Variants in NDUFS4 observed in about 807,000 individuals in gnomAD.
NDUFS4 encodes NADH:ubiquinone oxidoreductase subunit S4, also known as NADH dehydrogenase [ubiquinone] iron-sulfur protein 4, mitochondrial.
In NDUFS4, 28 loss-of-function variants were observed where a neutral mutation model predicts 24.3. The ratio of observed to expected loss-of-function variants is 1.15; its 90% CI spans 0.85 to 1.58. The LOEUF (loss-of-function observed/expected upper bound fraction) is 1.58, where lower values mean the gene tolerates loss of function less well. Among genes scored for constraint, NDUFS4 ranks in the 40% most tolerant of loss-of-function variants. The probability of loss-of-function intolerance (pLI) is 0.00; values close to 1 mark genes in which losing one functional copy is unlikely to be tolerated. For missense variants in NDUFS4, 223 were observed against 207.9 expected (o/e 1.07, Z -0.45); for synonymous variants, 93 against 69.7 (o/e 1.34, Z -1.67).
intron 2 of NDUFS4, among the ~76,000 whole-genome samples, chr5:53,611,406 T>C (rs532009794): frequency 2.7e-4 from 41 of 152,046 alleles, no homozygotes; most frequent in Non-Finnish European, 5.0e-4. Flanking sequence ...CCTGGATTAT[T>C]GTTAATAAAG....
At chr5:53,662,846 T>G (rs1261936076) in intron 4 of NDUFS4, among the ~76,000 whole-genome samples, 1 of 152,182 alleles carries the variant, frequency 6.6e-6, no homozygotes, top group African/African-American at 2.4e-5. Flanking sequence ...TCTTAGTTAT[T>G]TCTTGCCTTC....
intron 2 of NDUFS4, among the ~76,000 whole-genome samples, chr5:53,618,240 A>G (rs544473707): frequency 6.6e-6 from 1 of 152,228 alleles, no homozygotes; most frequent in African/African-American, 2.4e-5. Flanking sequence ...ATGCCACTGC[A>G]CTCTAGCCTG....
chr5:53,647,075 A>G lies in NDUFS4; in HGVS notation c.350+670A>G, dbSNP rs1266127762. Among the ~76,000 whole-genome samples, 4 of 151,304 alleles carry G rather than the reference A, an allele frequency of 2.6e-5. No individual in the cohort carries two copies. The East Asian group carries it at 5.8e-4, about 22-fold the overall frequency. On this transcript the variant is annotated intron_variant, in intron 3 of 4. Coordinates refer to ENST00000296684, the MANE Select transcript of NDUFS4 (RefSeq NM_002495.4). ...ATTACAATAAACTTCTTTGTAATAT[A>G]TATTATATATATATCTTTTTTCTTT...
intron 2 of NDUFS4, 135 bp downstream of exon 2, chr5:53,603,665 A>G (rs934932956): frequency 4.4e-6 from 3 of 682,452 alleles, no homozygotes; most frequent in Non-Finnish European, 7.8e-6. Flanking sequence ...CTAAATTTTA[A>G]GAAGAAATAT....
chr5:53,632,756 A>C (rs1377998502), intron 2 of NDUFS4, among the ~76,000 whole-genome samples: 2 of 152,206 alleles, frequency 1.3e-5, no homozygotes, highest in Non-Finnish European at 2.9e-5. Context: ...AATACCTGAA[A>C]ACAGTTGCTT....
At chr5:53,666,329 G>A (rs1370221708) in intron 4 of NDUFS4, among the ~76,000 whole-genome samples, 2 of 152,194 alleles carry the variant, frequency 1.3e-5, no homozygotes, top group Non-Finnish European at 2.9e-5. Context: ...CATGACTACA[G>A]TTGCCATGTG....
intron 2 of NDUFS4, among the ~76,000 whole-genome samples, chr5:53,628,367 T>G (rs1425866886): frequency 3.3e-5 from 5 of 152,150 alleles, no homozygotes; most frequent in African/African-American, 1.2e-4. Flanking sequence ...CTCTGCCAGT[T>G]TTTGGTATCA....
rs141885291 is a variant in NDUFS4, at chr5:53,593,403, G to GTCTCTCTC, written c.99-10034_99-10027dup. Among the ~76,000 whole-genome samples, 3 of 145,622 alleles carry GTCTCTCTC rather than the reference G, an allele frequency of 2.1e-5. No individual in the cohort carries two copies. The Admixed American group carries it at 2.1e-4, about 10-fold the overall frequency. Reference sequence around the variant, plus strand: ...GTTTCATTTTATATATTAGGGCTTTGTCTCTCTCTCTCTCTCTCTCTCATC... The same window carrying GTCTCTCTC: ...GTTTCATTTTATATATTAGGGCTTTGTCTCTCTCTCTCTCTCTCTCTCTCTCTCTCATC... On this transcript the variant is annotated intron_variant, in intron 1 of 4. Coordinates refer to ENST00000296684, the MANE Select transcript of NDUFS4 (RefSeq NM_002495.4).
intron 1 of NDUFS4, among the ~76,000 whole-genome samples, chr5:53,594,558 A>G (rs533516966): frequency 6.0e-5 from 9 of 151,256 alleles, no homozygotes; most frequent in South Asian, 2.1e-4. Flanking sequence ...ATTAATGTCT[A>G]TTGTGCTCAT....
chr5:53,654,141 A>G (rs1178969599), intron 3 of NDUFS4, among the ~76,000 whole-genome samples: 4 of 152,110 alleles, frequency 2.6e-5, no homozygotes, highest in Non-Finnish European at 5.9e-5. Context: ...CTGATATAAT[A>G]AAATGGACAA....
chr5:53,670,666 C>T (rs1230008690), intron 4 of NDUFS4, among the ~76,000 whole-genome samples: 2 of 150,030 alleles, frequency 1.3e-5, no homozygotes, highest in African/African-American at 4.9e-5. Flanking sequence ...TTAAATAATT[C>T]CTATAGTAAA....
At chr5:53,632,543 T>C (rs1008957434) in intron 2 of NDUFS4, among the ~76,000 whole-genome samples, 23 of 152,218 alleles carry the variant, frequency 1.5e-4, no homozygotes, top group African/African-American at 5.5e-4. Flanking sequence ...GCCTCAGAAA[T>C]GTCATTTGAC....
intron 1 of NDUFS4, among the ~76,000 whole-genome samples, chr5:53,578,267 C>A (rs896539128): frequency 6.6e-6 from 1 of 152,152 alleles, no homozygotes; most frequent in African/African-American, 2.4e-5. Flanking sequence ...TAAGTGGCCC[C>A]TTATTAAGGC....
At chr5:53,620,639 A>G (rs567993924) in intron 2 of NDUFS4, among the ~76,000 whole-genome samples, 23 of 152,324 alleles carry the variant, frequency 1.5e-4, no homozygotes, top group Non-Finnish European at 2.9e-4. Flanking sequence ...TGAGGAAGTT[A>G]TGAAACTTTC....
At chr5:53,648,504 A>G (rs936849918) in intron 3 of NDUFS4, among the ~76,000 whole-genome samples, 10 of 152,232 alleles carry the variant, frequency 6.6e-5, no homozygotes, top group African/African-American at 2.2e-4. Context: ...CATTAACTCT[A>G]GCTTCAAAGA....
At chr5:53,597,634 T>C (rs1167382952) in intron 1 of NDUFS4, among the ~76,000 whole-genome samples, 2 of 152,184 alleles carry the variant, frequency 1.3e-5, no homozygotes, top group African/African-American at 4.8e-5. Flanking sequence ...AAAAACAATA[T>C]TTACAAGATC....
At chr5:53,599,399 A>G (rs1379641810) in intron 1 of NDUFS4, among the ~76,000 whole-genome samples, 6 of 152,132 alleles carry the variant, frequency 3.9e-5, no homozygotes, top group Admixed American at 3.3e-4. Flanking sequence ...ACCAATTTCT[A>G]TACGTTTCTG....
rs1029068780 is a variant in NDUFS4 at position 53,683,132 on chromosome 5, A to G, written c.439A>G (p.Ile147Val). Residue 147 changes from isoleucine to valine, a missense_variant, in exon 5 of 5, where the codon ATT becomes GTT. Physicochemically the swap from Ile to Val is conservative, Grantham distance 29 (BLOSUM62 3). Transcript: ENST00000296684. ...TTTCCTCCTAGGATGGAGCTATGAC[A>G]TTGAAGAGAGGAAGGTTCCAAAACC... is the stretch of plus-strand genomic sequence containing the variant. ...FAEKNGWSYD[I>V]EERKVPKPKS... 1 of 1,605,020 alleles carries G rather than the reference A, an allele frequency of 6.2e-7. No individual in the cohort carries two copies. Among genetic ancestry groups the G allele is most frequent in the East Asian group, 2.2e-5 (1 of 44,726 alleles).
At chr5:53,632,822 A>C (rs1258140318) in intron 2 of NDUFS4, among the ~76,000 whole-genome samples, 1 of 152,184 alleles carries the variant, frequency 6.6e-6, no homozygotes, top group Non-Finnish European at 1.5e-5. Context: ...GTCTGATCCC[A>C]TTATGGATTG....
Sources: gnomAD v4.1 joint callset for allele counts (sites outside exome capture counted in the v4.1 genomes callset) on GRCh38, gnomAD v4.1.1 for gene constraint, MANE v1.5 for transcripts, NCBI Gene and HGNC (gene_info 2026-07-23, HGNC 2026-07-21) for gene names.